Variants in RTTN observed in about 807,000 individuals in gnomAD.
RTTN encodes the protein rotatin.
In RTTN, 182 loss-of-function variants were observed where a neutral mutation model predicts 269.2. The observed-to-expected ratio is 0.68, with a 90% confidence interval of 0.60 to 0.76. The LOEUF (loss-of-function observed/expected upper bound fraction) is 0.76. RTTN is among the 30% of genes least tolerant of loss of function. RTTN has a pLI of 0.00. For synonymous variants in RTTN, 1,006 were observed against 963.5 expected (o/e 1.04, Z -0.82); for missense variants, 2,545 against 2,608.6 (o/e 0.98, Z 0.53).
intron 11 of RTTN, among the ~76,000 whole-genome samples, chr18:70,175,586 T>C (rs573734523): frequency 6.6e-6 from 1 of 151,362 alleles, no homozygotes; most frequent in South Asian, 2.1e-4. Flanking sequence ...ATTAAGTTGC[T>C]GACAGAAAGG....
At chr18:70,149,312 T>G (rs1020401544) in intron 16 of RTTN, among the ~76,000 whole-genome samples, 2 of 152,110 alleles carry the variant, frequency 1.3e-5, no homozygotes, top group Admixed American at 1.3e-4. Context: ...ATTCTAATAG[T>G]GGCACCTCCC....
intron 14 of RTTN, among the ~76,000 whole-genome samples, chr18:70,162,950 A>C (rs947175722): frequency 6.6e-6 from 1 of 150,844 alleles, no homozygotes; most frequent in Non-Finnish European, 1.5e-5. Flanking sequence ...AGTCAGTTAA[A>C]GAAAGCAAAG....
intron 46 of RTTN, among the ~76,000 whole-genome samples, chr18:70,015,793 T>TC (rs774127810): frequency 6.6e-6 from 1 of 151,626 alleles, no homozygotes; most frequent in Non-Finnish European, 1.5e-5. Context: ...TTGACCTTTT[T>TC]CCAACTCTCA....
chr18:70,121,419 G>T, intron 26 of RTTN, 137 bp downstream of exon 26: 2 of 646,740 alleles, frequency 3.1e-6, no homozygotes, highest in Non-Finnish European at 5.1e-6. Context: ...ATGTTGTTAT[G>T]AGCCATTCAT....
intron 46 of RTTN, chr18:70,006,741 G>A (rs1279262761): frequency 2.6e-6 from 1 of 389,320 alleles, no homozygotes; most frequent in Non-Finnish European, 4.7e-6. Flanking sequence ...TCAAGAAAAG[G>A]CACATTCATT....
chr18:70,136,490 T>C (rs1042093362), intron 21 of RTTN, among the ~76,000 whole-genome samples: 60 of 151,866 alleles, frequency 4.0e-4, no homozygotes, highest in African/African-American at 1.4e-3. Context: ...ATAAGGATTG[T>C]GCCTATCTTA....
chr18:70,168,926 A>G lies in RTTN; in HGVS notation c.1618T>C (p.Tyr540His). ...EQLNSENYSI[Y>H]KRTAEAVYSI... ...TAAACGGCCTCTGCAGTTCGTTTATAAATACTGTAGTTTTCAGAATTCAGC... is the reference window on the plus strand; with the variant it reads ...TAAACGGCCTCTGCAGTTCGTTTATGAATACTGTAGTTTTCAGAATTCAGC... Residue 540 changes from tyrosine to histidine, a missense_variant, in exon 12 of 49, where the codon TAT becomes CAT. Physicochemically the swap from Tyr to His is moderately conservative, Grantham distance 83. Coordinates refer to ENST00000640769, the MANE Select transcript of RTTN (RefSeq NM_173630.4). The G allele has an allele frequency of 2.5e-6, 4 of 1,613,506 alleles. No individual in the cohort carries two copies. Among genetic ancestry groups the G allele is most frequent in the Non-Finnish European group, 3.4e-6 (4 of 1,179,774 alleles).
chr18:70,083,095 C>T (rs879613451), intron 32 of RTTN, among the ~76,000 whole-genome samples: 4 of 152,138 alleles, frequency 2.6e-5, no homozygotes, highest in African/African-American at 4.8e-5. Flanking sequence ...AGAGCTGTGA[C>T]ACACCAAAGA....
chr18:70,148,630 T>A (rs891304275), intron 17 of RTTN, among the ~76,000 whole-genome samples: 11 of 152,292 alleles, frequency 7.2e-5, no homozygotes, highest in South Asian at 2.1e-4. Context: ...GCTCTCCAAC[T>A]TGCCTAGGGC....
At chr18:70,184,703 G>GTTTTTTTTTTTTTTT (rs374636456) in intron 10 of RTTN, among the ~76,000 whole-genome samples, 1 of 26,376 alleles carries the variant, frequency 3.8e-5, no homozygotes, top group Non-Finnish European at 1.9e-4. Flanking sequence ...ACCACAGCAG[G>GTTTTTTTTTTTTTTT]TTTTTTTTTT....
chr18:70,123,922 G>T (rs984734889), intron 25 of RTTN, among the ~76,000 whole-genome samples: 3 of 151,996 alleles, frequency 2.0e-5, no homozygotes, highest in African/African-American at 7.2e-5. Flanking sequence ...AAAGGCAGTA[G>T]CCCCTTTCTT....
At chr18:70,168,060 A>C (rs61584683) in intron 12 of RTTN, among the ~76,000 whole-genome samples, 11,842 of 150,766 alleles carry the variant, frequency 0.079, 975 homozygotes, top group African/African-American at 0.2. Flanking sequence ...AGGCAGATGG[A>C]TTGCTGGAGC....
chr18:70,017,308 A>G, intron 46 of RTTN, 99 bp downstream of exon 46: 1 of 1,188,416 alleles, frequency 8.4e-7, no homozygotes, highest in East Asian at 2.5e-5. Flanking sequence ...GTGGGTGCTT[A>G]ATAAATGCCT....
intron 21 of RTTN, among the ~76,000 whole-genome samples, chr18:70,136,915 T>A (rs1470709934): frequency 1.3e-5 from 2 of 152,126 alleles, no homozygotes; most frequent in Non-Finnish European, 2.9e-5. Context: ...TTAGGGTTTT[T>A]TAAAGAATGT....
intron 42 of RTTN, 50 bp downstream of exon 42, chr18:70,029,962 A>T: frequency 7.7e-7 from 1 of 1,303,058 alleles, no homozygotes; most frequent in Non-Finnish European, 1.1e-6. Flanking sequence ...GCACAAGAGG[A>T]CTGGAGAATG....
At chr18:70,204,286 T>C in intron 2 of RTTN, 23 bp from the exon 3 acceptor site, 2 of 1,583,552 alleles carry the variant, frequency 1.3e-6, no homozygotes, top group Non-Finnish European at 1.7e-6. Context: ...GAGGATGATC[T>C]TGAGAATAAC....
intron 27 of RTTN, among the ~76,000 whole-genome samples, chr18:70,111,048 A>G (rs996791150): frequency 1.2e-4 from 18 of 152,250 alleles, no homozygotes; most frequent in Non-Finnish European, 4.4e-5. Context: ...AAAAAGTGGC[A>G]GCAACCCCAG....
intron 35 of RTTN, among the ~76,000 whole-genome samples, chr18:70,064,590 C>T (rs562936318): frequency 3.3e-5 from 5 of 152,150 alleles, no homozygotes; most frequent in African/African-American, 1.2e-4. Context: ...TCACACAAGA[C>T]CATGTTATAT....
At chr18:70,126,972 T>C (rs2059880543) in intron 25 of RTTN, among the ~76,000 whole-genome samples, 1 of 152,226 alleles carries the variant, frequency 6.6e-6, no homozygotes, top group Non-Finnish European at 1.5e-5. Flanking sequence ...ATCAGTCTTG[T>C]TGCAAATGCA....
Sources: allele counts gnomAD v4.1 joint callset (sites outside exome capture counted in the v4.1 genomes callset), GRCh38; gene constraint gnomAD v4.1.1; transcripts MANE v1.5; gene names NCBI Gene and HGNC (gene_info 2026-07-23, HGNC 2026-07-21).